The following RARB variants were observed in gnomAD, a reference collection of about 807,000 sequenced individuals.
RARB encodes HBV-activated protein.
RARB carries 17 observed loss-of-function variants against 51.9 expected under a neutral mutation model. The ratio of observed to expected loss-of-function variants is 0.33; its 90% CI spans 0.22 to 0.49. The LOEUF (loss-of-function observed/expected upper bound fraction) is 0.49, where lower values mean the gene tolerates loss of function less well. RARB is among the 20% of genes least tolerant of loss of function. RARB has a pLI of 0.99. For synonymous variants in RARB, 215 were observed against 195.4 expected (o/e 1.10, Z -0.84); for missense variants, 369 against 550.8 (o/e 0.67, Z 3.30).
intron 2 of RARB, among the ~76,000 whole-genome samples, chr3:24,912,297 A>G (rs1559393237): frequency 6.6e-6 from 1 of 152,178 alleles, no homozygotes; most frequent in Non-Finnish European, 1.5e-5. Context: ...TAAGTTAGGG[A>G]ACATTTCTGT....
At chr3:24,904,998 C>G (rs776289086) in intron 2 of RARB, among the ~76,000 whole-genome samples, 2 of 152,068 alleles carry the variant, frequency 1.3e-5, no homozygotes, top group African/African-American at 2.4e-5. Context: ...GAACATCACA[C>G]AAGGGGAGGG....
chr3:25,091,909 A>G (rs1257265211), intron 3 of RARB, among the ~76,000 whole-genome samples: 1 of 152,164 alleles, frequency 6.6e-6, no homozygotes, highest in Non-Finnish European at 1.5e-5. Flanking sequence ...ACTTGGTTGA[A>G]TCGGAAGATG....
chr3:25,159,479 CA>C (rs1700440768), intron 4 of RARB, among the ~76,000 whole-genome samples: 1 of 151,002 alleles, frequency 6.6e-6, no homozygotes, highest in Non-Finnish European at 1.5e-5. Flanking sequence ...GTGCCCAACC[CA>C]AAAGTGTCTT....
chr3:25,457,561 A>G (rs932639642), intron 1 of RARB, among the ~76,000 whole-genome samples: 3 of 152,246 alleles, frequency 2.0e-5, no homozygotes, highest in African/African-American at 7.2e-5. Flanking sequence ...TCCATAGGAA[A>G]AGATCCAATC....
Position 25,131,975 on chromosome 3 carries a change from G to A in RARB, c.-327-186G>A, listed in dbSNP as rs181689645. 5.2e-3 allele frequency among the ~76,000 whole-genome samples: 785 copies of A among 152,018 alleles called. 8 individuals are homozygous for A. Among genetic ancestry groups the A allele is most frequent in the African/African-American group, 0.018 (739 of 41,518 alleles). ...AAGGTGAGATTGGTGAACAGGGTGGGTTGAGGCCAAGAAAATAAAAAGCAG... is the reference window on the plus strand; with the variant it reads ...AAGGTGAGATTGGTGAACAGGGTGGATTGAGGCCAAGAAAATAAAAAGCAG... On this transcript the variant is annotated intron_variant, in intron 3 of 11. Transcript: ENST00000383772.
intron 2 of RARB, among the ~76,000 whole-genome samples, chr3:25,484,552 A>AT (rs1171326131): frequency 6.6e-6 from 1 of 151,522 alleles, no homozygotes; most frequent in African/African-American, 2.4e-5. Context: ...AGAGCTAAGA[A>AT]TTTTTTTTTA....
intron 5 of RARB, among the ~76,000 whole-genome samples, chr3:25,417,186 C>T (rs531689594): frequency 7.4e-6 from 1 of 136,032 alleles, no homozygotes; most frequent in African/African-American, 2.7e-5. Flanking sequence ...AATGCCACAT[C>T]GAAAAACCAA....
At chr3:25,497,151 C>T (rs1697080655) in intron 2 of RARB, among the ~76,000 whole-genome samples, 1 of 152,146 alleles carries the variant, frequency 6.6e-6, no homozygotes, top group Admixed American at 6.5e-5. Context: ...TCCCAAAGTG[C>T]TGGGATTACA....
chr3:25,335,278 C>T (rs1262146888), intron 5 of RARB, among the ~76,000 whole-genome samples: 1 of 136,836 alleles, frequency 7.3e-6, no homozygotes. Context: ...CTCATGATGA[C>T]ACACACATCA....
At chr3:25,389,216 A>T (rs1706879365) in intron 5 of RARB, among the ~76,000 whole-genome samples, 1 of 152,168 alleles carries the variant, frequency 6.6e-6, no homozygotes, top group South Asian at 2.1e-4. Context: ...TGGGTGACAC[A>T]TCAGGTCACC....
intron 2 of RARB, among the ~76,000 whole-genome samples, chr3:25,026,656 A>G (rs1358052752): frequency 1.3e-5 from 2 of 152,198 alleles, no homozygotes; most frequent in African/African-American, 4.8e-5. Context: ...GGGCTTTAAC[A>G]TATAAATTTT....
At chr3:24,924,689 T>C (rs985693531) in intron 2 of RARB, among the ~76,000 whole-genome samples, 1 of 152,154 alleles carries the variant, frequency 6.6e-6, no homozygotes, top group African/African-American at 2.4e-5. Context: ...CTTTTGAATA[T>C]GCCTGAATGT....
intron 5 of RARB, among the ~76,000 whole-genome samples, chr3:25,236,516 T>C (rs1160728112): frequency 1.3e-5 from 2 of 151,942 alleles, no homozygotes; most frequent in Non-Finnish European, 1.5e-5. Context: ...ATCTTACTAG[T>C]ACAAAGAAAG....
intron 2 of RARB, among the ~76,000 whole-genome samples, chr3:24,955,763 T>C (rs1458968541): frequency 2.0e-5 from 3 of 151,986 alleles, no homozygotes; most frequent in Non-Finnish European, 4.4e-5. Context: ...GGAGAATAAA[T>C]GTACCTGGAG....
chr3:25,284,396 TAAA>T (rs939764055), intron 5 of RARB, among the ~76,000 whole-genome samples: 1 of 152,084 alleles, frequency 6.6e-6, no homozygotes, highest in African/African-American at 2.4e-5. Context: ...CTTTGAGTAA[TAAA>T]AATATTTGAG....
chr3:25,300,178 A>G (rs1704007159), intron 5 of RARB, among the ~76,000 whole-genome samples: 1 of 152,216 alleles, frequency 6.6e-6, no homozygotes, highest in South Asian at 2.1e-4. Context: ...TGTCTGATAA[A>G]CACTGTCTTA....
intron 1 of RARB, among the ~76,000 whole-genome samples, chr3:25,454,862 T>C (rs960592553): frequency 1.3e-5 from 2 of 152,244 alleles, no homozygotes; most frequent in Non-Finnish European, 2.9e-5. Context: ...CTGTGTTTTC[T>C]CAGGTGAGTT....
intron 5 of RARB, among the ~76,000 whole-genome samples, chr3:25,190,992 C>T (rs1428274931): frequency 1.3e-5 from 2 of 151,724 alleles, no homozygotes; most frequent in African/African-American, 2.4e-5. Flanking sequence ...CGCCCATCAT[C>T]TAACTCTTTT....
rs540485478 is a variant in RARB, at chr3:25,191,936, G to C, written c.178+17361G>C. 6.6e-5 allele frequency among the ~76,000 whole-genome samples: 10 copies of C among 152,226 alleles called. No individual in the cohort carries two copies. In the East Asian group the frequency reaches 1.9e-3, roughly 29 times the overall value. ...TGTAAAGCAGGCAGACGAGGCGGGG[G>C]TGTGGAGAAGAGAGTCTCTTAGGGG... On this transcript the variant is annotated intron_variant, in intron 5 of 11. Transcript: ENST00000383772.
Sources: gnomAD v4.1 joint callset for allele counts (sites outside exome capture counted in the v4.1 genomes callset) on GRCh38, gnomAD v4.1.1 for gene constraint, MANE v1.5 for transcripts, NCBI Gene and HGNC (gene_info 2026-07-23, HGNC 2026-07-21) for gene names.